SFXN5: variants seen among roughly 807,000 people sequenced by gnomAD.
SFXN5 encodes sideroflexin-5.
In SFXN5, 43 loss-of-function variants were observed where a neutral mutation model predicts 50.2. The ratio of observed to expected loss-of-function variants is 0.86; its 90% CI spans 0.67 to 1.11. SFXN5 has a LOEUF of 1.11. SFXN5 is among the 50% of genes least tolerant of loss of function. The pLI, the probability that SFXN5 is intolerant of heterozygous loss-of-function variation, is 0.00. For missense variants in SFXN5, 463 were observed against 454.1 expected (o/e 1.02, Z -0.18); for synonymous variants, 203 against 185.8 (o/e 1.09, Z -0.75).
intron 9 of SFXN5, among the ~76,000 whole-genome samples, chr2:72,990,853 C>T (rs1368964344): frequency 6.6e-6 from 1 of 152,220 alleles, no homozygotes; most frequent in African/African-American, 2.4e-5. Flanking sequence ...GCATAGCAAG[C>T]ACCTCCCTGA....
chr2:73,058,422 C>T, intron 2 of SFXN5, 106 bp downstream of exon 2: 1 of 1,054,956 alleles, frequency 9.5e-7, no homozygotes, highest in Non-Finnish European at 1.5e-6. Context: ...CTCACCTCCC[C>T]TATTCTCTTC....
chr2:73,011,982 C>G (rs1166781199), intron 6 of SFXN5, among the ~76,000 whole-genome samples: 2 of 152,136 alleles, frequency 1.3e-5, no homozygotes, highest in Non-Finnish European at 2.9e-5. Context: ...TAACCTCAAC[C>G]CATCACACTG....
At chr2:72,947,752 C>G (rs763860815) in intron 13 of SFXN5, among the ~76,000 whole-genome samples, 20 of 152,170 alleles carry the variant, frequency 1.3e-4, no homozygotes, top group Non-Finnish European at 2.4e-4. Context: ...GAGGGCCAAA[C>G]AGAGGAGAGC....
intron 1 of SFXN5, among the ~76,000 whole-genome samples, chr2:73,064,912 G>C (rs544338625): frequency 3.5e-4 from 53 of 152,208 alleles, no homozygotes; most frequent in South Asian, 1.7e-3. Flanking sequence ...TCACCCTCTA[G>C]AGTGGCTGGG....
chr2:73,066,548 ACT>A, intron 1 of SFXN5, among the ~76,000 whole-genome samples: 1 of 151,466 alleles, frequency 6.6e-6, no homozygotes, highest in East Asian at 1.9e-4. Flanking sequence ...ACAGAGAGAG[ACT>A]CTGTCTCCAA....
chr2:73,019,117 C>T (rs1032020171), intron 6 of SFXN5, among the ~76,000 whole-genome samples: 5 of 152,072 alleles, frequency 3.3e-5, no homozygotes, highest in Admixed American at 1.3e-4. Flanking sequence ...AAAGAACAAA[C>T]GAATGTTACA....
At chr2:73,047,320 T>TATAAA (rs1559200331) in intron 2 of SFXN5, among the ~76,000 whole-genome samples, 1 of 53,442 alleles carries the variant, frequency 1.9e-5, no homozygotes, top group Non-Finnish European at 3.0e-5. Context: ...TGTGTGTATG[T>TATAAA]ATATATATGT....
intron 6 of SFXN5, among the ~76,000 whole-genome samples, chr2:73,017,197 G>A (rs1676272593): frequency 6.6e-6 from 1 of 152,128 alleles, no homozygotes; most frequent in Admixed American, 6.6e-5. Flanking sequence ...ATTTGTATCT[G>A]TTTATTCTTA....
intron 9 of SFXN5, among the ~76,000 whole-genome samples, chr2:72,995,941 G>C (rs1479306918): frequency 6.6e-6 from 1 of 152,206 alleles, no homozygotes; most frequent in Non-Finnish European, 1.5e-5. Flanking sequence ...GAGGGACGCC[G>C]CCACCACTAG....
At chr2:72,982,207 G>A (rs6752553) in intron 10 of SFXN5, among the ~76,000 whole-genome samples, 3,619 of 152,188 alleles carry the variant, frequency 0.024, 150 homozygotes, top group African/African-American at 0.082. Context: ...TTTTATAGAC[G>A]GGGCCATAAT....
chr2:72,994,668 T>C (rs1672996765), intron 9 of SFXN5, among the ~76,000 whole-genome samples: 1 of 151,948 alleles, frequency 6.6e-6, no homozygotes, highest in African/African-American at 2.4e-5. Flanking sequence ...CCCTTGTCCA[T>C]GAGGGTGGCC....
intron 2 of SFXN5, among the ~76,000 whole-genome samples, chr2:73,056,185 C>T (rs891070593): frequency 9.9e-5 from 15 of 152,018 alleles, no homozygotes; most frequent in African/African-American, 2.9e-4. Flanking sequence ...TTTATATGTA[C>T]ATATATTCCT....
chr2:72,964,289 G>C (rs1674116276), intron 12 of SFXN5, among the ~76,000 whole-genome samples: 1 of 152,092 alleles, frequency 6.6e-6, no homozygotes, highest in Admixed American at 6.5e-5. Flanking sequence ...CACCCAACAG[G>C]GGCTCCCCAA....
chr2:73,006,532 G>A (rs929716022), intron 6 of SFXN5, among the ~76,000 whole-genome samples: 3 of 151,618 alleles, frequency 2.0e-5, no homozygotes, highest in East Asian at 1.9e-4. Flanking sequence ...TGAGGCACAC[G>A]AACTGCTTAA....
At chr2:72,954,504 C>T (rs537174133) in intron 13 of SFXN5, among the ~76,000 whole-genome samples, 4 of 152,268 alleles carry the variant, frequency 2.6e-5, no homozygotes, top group Non-Finnish European at 4.4e-5. Flanking sequence ...TCACTCCTGC[C>T]CCCAGGGGCC....
intron 13 of SFXN5, among the ~76,000 whole-genome samples, chr2:72,952,856 G>A (rs1672684800): frequency 6.6e-6 from 1 of 152,148 alleles, no homozygotes; most frequent in Non-Finnish European, 1.5e-5. Flanking sequence ...CTCAGCCCCA[G>A]CCCCACTCAC....
rs1365292628 is a variant in SFXN5 at position 73,031,734 on chromosome 2, T to C, written c.250-8520A>G. On this transcript the variant is annotated intron_variant, in intron 3 of 13. Transcript: ENST00000272433. ...TCAACAAAAATTCCTAGTCATGATCTGATCTTGTTTGGGCTGATCCCATCA... is the reference window on the plus strand; with the variant it reads ...TCAACAAAAATTCCTAGTCATGATCCGATCTTGTTTGGGCTGATCCCATCA... 2.0e-5 allele frequency among the ~76,000 whole-genome samples: 3 copies of C among 152,232 alleles called. No individual in the cohort carries two copies. In the East Asian group the frequency reaches 5.8e-4, roughly 29 times the overall value.
intron 6 of SFXN5, among the ~76,000 whole-genome samples, chr2:73,012,290 G>A (rs547533289): frequency 3.3e-5 from 5 of 152,016 alleles, no homozygotes; most frequent in Non-Finnish European, 7.4e-5. Context: ...TAAATTCTGA[G>A]CTGAGAGAAC....
chr2:73,040,817 T>C (rs760519961), intron 3 of SFXN5, 37 bp downstream of exon 3: 1 of 1,543,390 alleles, frequency 6.5e-7, no homozygotes, highest in South Asian at 1.2e-5. Context: ...TTCCTTCCCT[T>C]CCCCACTGGC....
Sources: gnomAD v4.1 joint callset for allele counts (sites outside exome capture counted in the v4.1 genomes callset) on GRCh38, gnomAD v4.1.1 for gene constraint, MANE v1.5 for transcripts, NCBI Gene and HGNC (gene_info 2026-07-23, HGNC 2026-07-21) for gene names.